Variants in EDIL3 observed in about 807,000 individuals in gnomAD.
The protein encoded by EDIL3 is EGF-like repeat and discoidin I-like domain-containing protein 3.
A neutral mutation model predicts 67.4 loss-of-function variants in EDIL3; 37 were observed. The ratio of observed to expected loss-of-function variants is 0.55; its 90% CI spans 0.42 to 0.72. The LOEUF is 0.72. Ranked by LOEUF, EDIL3 falls within the 30% of genes least tolerant of loss-of-function variation. The pLI is 0.00. For synonymous variants in EDIL3, 195 were observed against 196.3 expected, an observed-to-expected ratio of 0.99 and a Z score of 0.05; for missense variants, 527 against 586.3, an observed-to-expected ratio of 0.90 and a Z score of 1.04.
chr5:84,215,554 G>A (rs1180414606), intron 3 of EDIL3, among the ~76,000 whole-genome samples: 1 of 152,182 alleles, frequency 6.6e-6, no homozygotes, highest in East Asian at 1.9e-4. Context: ...GCCCAGTTAA[G>A]ATGGGCAGAT....
chr5:84,182,967 A>G, intron 3 of EDIL3, among the ~76,000 whole-genome samples: 1 of 152,210 alleles, frequency 6.6e-6, no homozygotes, highest in East Asian at 1.9e-4. Context: ...TGAATGACCA[A>G]TGACTAGTTA....
intron 2 of EDIL3, among the ~76,000 whole-genome samples, chr5:84,231,013 G>A (rs900001490): frequency 3.9e-5 from 6 of 152,150 alleles, no homozygotes; most frequent in African/African-American, 1.4e-4. Context: ...AACCCTGTAA[G>A]TATATTAGAA....
At chr5:83,953,635 A>T (rs1356271400) in intron 10 of EDIL3, among the ~76,000 whole-genome samples, 1 of 151,810 alleles carries the variant, frequency 6.6e-6, no homozygotes, top group Admixed American at 6.6e-5. Flanking sequence ...TGAGGAAATT[A>T]GTTCTTGTGT....
At chr5:84,263,654 T>C (rs1170814683) in intron 1 of EDIL3, among the ~76,000 whole-genome samples, 2 of 152,192 alleles carry the variant, frequency 1.3e-5, no homozygotes, top group Non-Finnish European at 2.9e-5. Context: ...ACAAGTTTAG[T>C]GAAGTTCCTG....
intron 9 of EDIL3, among the ~76,000 whole-genome samples, chr5:83,982,260 C>T (rs911838680): frequency 2.0e-5 from 3 of 152,074 alleles, no homozygotes; most frequent in African/African-American, 7.2e-5. Flanking sequence ...AGATCTTCAA[C>T]AAATTTTATT....
chr5:84,204,154 A>C (rs1352525124), intron 3 of EDIL3, among the ~76,000 whole-genome samples: 3 of 152,314 alleles, frequency 2.0e-5, no homozygotes, highest in African/African-American at 7.2e-5. Flanking sequence ...CTTAACCAAC[A>C]TAATAAGAAT....
chr5:83,986,156 C>T (rs1745054299), intron 9 of EDIL3, among the ~76,000 whole-genome samples: 1 of 152,000 alleles, frequency 6.6e-6, no homozygotes, highest in Non-Finnish European at 1.5e-5. Flanking sequence ...ATATAATTAA[C>T]AAACCACTTC....
At chr5:84,206,266 T>C (rs1045541646) in intron 3 of EDIL3, among the ~76,000 whole-genome samples, 3 of 152,228 alleles carry the variant, frequency 2.0e-5, no homozygotes, top group Non-Finnish European at 2.9e-5. Context: ...GAGTGCACTG[T>C]GGTCTGAGAG....
chr5:84,195,533 T>C (rs10474122), intron 3 of EDIL3, among the ~76,000 whole-genome samples: 174 of 152,094 alleles, frequency 1.1e-3, no homozygotes, highest in African/African-American at 4.0e-3. Context: ...GGATTGTATA[T>C]TCAGTCTTTA....
At chr5:84,320,830 AAAGTT>A (rs1316268755) in intron 1 of EDIL3, among the ~76,000 whole-genome samples, 65 of 152,206 alleles carry the variant, frequency 4.3e-4, no homozygotes, top group African/African-American at 1.5e-3. Context: ...AAAAGGAAGA[AAAGTT>A]AAGGCAGTTT....
In EDIL3 at chr5:84,298,781, C is replaced by G. The variant is rs577522426; in HGVS notation, c.68-44569G>C. Among the ~76,000 whole-genome samples, 4 of 152,150 alleles carry G rather than the reference C, an allele frequency of 2.6e-5. No individual in the cohort carries two copies. In the South Asian group the frequency reaches 6.2e-4, roughly 24 times the overall value. ...ACCTTTGTTCTCCTCTCAAATTGAA[C>G]AAAATTGACTTCTCCATTCTTGACA... On this transcript the variant is annotated intron_variant, in intron 1 of 10. Coordinates refer to ENST00000296591, the MANE Select transcript of EDIL3 (RefSeq NM_005711.5).
intron 1 of EDIL3, among the ~76,000 whole-genome samples, chr5:84,339,729 C>T (rs1391895791): frequency 5.3e-5 from 8 of 152,014 alleles, no homozygotes; most frequent in Non-Finnish European, 1.5e-5. Flanking sequence ...CCTATTCATG[C>T]TCTCTAAAGT....
intron 1 of EDIL3, among the ~76,000 whole-genome samples, chr5:84,341,029 T>C (rs1336278204): frequency 2.0e-5 from 3 of 152,080 alleles, no homozygotes; most frequent in Admixed American, 2.0e-4. Context: ...TAACAGAAAG[T>C]TGCCCTCATC....
intron 1 of EDIL3, among the ~76,000 whole-genome samples, chr5:84,343,427 G>C (rs545449123): frequency 2.6e-4 from 40 of 151,816 alleles, no homozygotes; most frequent in Non-Finnish European, 4.9e-4. Flanking sequence ...ATAGTTTCTT[G>C]ACATTCATGC....
intron 9 of EDIL3, among the ~76,000 whole-genome samples, chr5:84,036,841 TGGACAGAGAAGGTGACA>T (rs1727303076): frequency 6.6e-6 from 1 of 152,148 alleles, no homozygotes; most frequent in Non-Finnish European, 1.5e-5. Context: ...ATCAATGTTT[TGGACAGAGAAGGTGACA>T]GGGTTGGCCA....
intron 1 of EDIL3, among the ~76,000 whole-genome samples, chr5:84,348,510 C>T (rs892023171): frequency 6.6e-6 from 1 of 151,834 alleles, no homozygotes; most frequent in African/African-American, 2.4e-5. Flanking sequence ...ATTCAAAAAC[C>T]TTCAATGAGT....
intron 1 of EDIL3, among the ~76,000 whole-genome samples, chr5:84,280,038 C>T (rs1257994420): frequency 2.0e-5 from 3 of 152,152 alleles, no homozygotes; most frequent in Non-Finnish European, 2.9e-5. Flanking sequence ...GCCACATTTG[C>T]TTTTCACTCT....
In EDIL3 at chr5:84,053,728, A is replaced by G. The variant is rs534943494; in HGVS notation, c.1137+6572T>C. The stretch of plus-strand genomic sequence containing the variant: ...TCTAGAAGAAATGGATAAATTCCTC[A>G]ACACATACACTCTCCCAAGACTAAA... On this transcript the variant is annotated intron_variant, in intron 9 of 10. Transcript: ENST00000296591. Among the ~76,000 whole-genome samples the G allele has an allele frequency of 1.8e-3, 278 of 152,172 alleles. 1 individual carries two copies. The highest frequency in any genetic ancestry group is 6.4e-3 in the African/African-American group (267 of 41,546).
At chr5:84,097,152 G>A (rs891674664) in intron 6 of EDIL3, among the ~76,000 whole-genome samples, 1 of 152,146 alleles carries the variant, frequency 6.6e-6, no homozygotes, top group Non-Finnish European at 1.5e-5. Flanking sequence ...ATTGAAGTTT[G>A]AGAAATAACT....
Sources: allele counts gnomAD v4.1 joint callset (sites outside exome capture counted in the v4.1 genomes callset), GRCh38; gene constraint gnomAD v4.1.1; transcripts MANE v1.5; gene names NCBI Gene and HGNC (gene_info 2026-07-23, HGNC 2026-07-21).